GALNT11: variants seen among roughly 807,000 people sequenced by gnomAD.
The protein encoded by GALNT11 is UDP-GalNAc:polypeptide N-acetylgalactosaminyltransferase 11.
A neutral mutation model predicts 72.7 loss-of-function variants in GALNT11; 47 were observed. That is an observed-to-expected ratio of 0.65 (90% CI 0.51 to 0.82). The LOEUF (loss-of-function observed/expected upper bound fraction) is 0.82, where lower values mean the gene tolerates loss of function less well. GALNT11 is among the 40% of genes least tolerant of loss of function. GALNT11 has a pLI of 0.00. For missense variants in GALNT11, 677 were observed against 778.4 expected, an observed-to-expected ratio of 0.87 and a Z score of 1.55; for synonymous variants, 270 against 286.6, an observed-to-expected ratio of 0.94 and a Z score of 0.58.
At chr7:152,121,503 G>C in intron 11 of GALNT11, 43 bp from the exon 12 acceptor site, 1 of 1,585,808 alleles carries the variant, frequency 6.3e-7, no homozygotes, top group Non-Finnish European at 8.6e-7. Context: ...TCCATGTTTT[G>C]CCAGTAATTG....
chr7:152,080,949 G>A (rs531124202), intron 1 of GALNT11, among the ~76,000 whole-genome samples: 3 of 152,148 alleles, frequency 2.0e-5, no homozygotes, highest in South Asian at 2.1e-4. Flanking sequence ...CAGCCTGGGC[G>A]ACAAGAGCGA....
At chr7:152,103,585 A>C in intron 4 of GALNT11, 1 of 263,398 alleles carries the variant, frequency 3.8e-6, no homozygotes, top group Non-Finnish European at 7.6e-6. Context: ...ACCTTTATCC[A>C]GTTGCTCCAT....
chr7:152,091,715 C>T (rs2086051114), intron 1 of GALNT11, among the ~76,000 whole-genome samples: 1 of 152,082 alleles, frequency 6.6e-6, no homozygotes, highest in Admixed American at 6.6e-5. Context: ...AAGAGGTCAT[C>T]ACATCAGTCC....
In GALNT11 at chr7:152,078,285, G is replaced by A. The variant is rs138704264; in HGVS notation, c.-38-15905G>A. Among the ~76,000 whole-genome samples the A allele has an allele frequency of 3.4e-4, 52 of 152,072 alleles. 1 individual carries two copies. The highest frequency in any genetic ancestry group is 1.2e-3 in the African/African-American group (50 of 41,472). The stretch of plus-strand genomic sequence containing the variant: ...GGCTGGAGTGCAATGGTACAGTATC[G>A]GCTTACCCCAAATCCAAGTGATTCT... On this transcript the variant is annotated intron_variant, in intron 1 of 11. Coordinates refer to ENST00000430044, the MANE Select transcript of GALNT11 (RefSeq NM_022087.4).
rs1044585347 is a variant in GALNT11 at position 152,103,137 on chromosome 7, G to C, written c.445G>C (p.Asp149His). 3.1e-6 allele frequency: 5 copies of C among 1,609,538 alleles called. No homozygotes were observed. In the African/African-American group the frequency reaches 5.3e-5, roughly 17 times the overall value. ...AACKEKFYPP[D>H]LPAASVVICF... ...ATGTAAAGAAAAGTTCTACCCACCT[G>C]ACCTGCCAGCTGCTAGTGTTGTTAT... Residue 149 changes from aspartate (D) to histidine (H), a missense_variant, in exon 4 of 12, where the codon GAC becomes CAC. Transcript: ENST00000430044.
Position 152,071,562 on chromosome 7 carries a change from A to G in GALNT11, c.-38-22628A>G, listed in dbSNP as rs887353738. Among the ~76,000 whole-genome samples the G allele has an allele frequency of 2.0e-5, 3 of 152,276 alleles. No individual in the cohort carries two copies. The East Asian group carries it at 5.8e-4, about 29-fold the overall frequency. On this transcript the variant is annotated intron_variant, in intron 1 of 11. Coordinates refer to ENST00000430044, the MANE Select transcript of GALNT11 (RefSeq NM_022087.4). ...AATTTGTGCAGTTAATGCAATTATC[A>G]TAGGTCCTGGGGCAACATACATCTT... is the stretch of plus-strand genomic sequence containing the variant.
At chr7:152,098,231 C>T (rs1047224548) in intron 2 of GALNT11, among the ~76,000 whole-genome samples, 1 of 151,936 alleles carries the variant, frequency 6.6e-6, no homozygotes, top group African/African-American at 2.4e-5. Context: ...GCTGGTAGAT[C>T]GCTTGGGCTC....
At chr7:152,102,044 T>C (rs2086970737) in intron 3 of GALNT11, among the ~76,000 whole-genome samples, 1 of 152,186 alleles carries the variant, frequency 6.6e-6, no homozygotes, top group South Asian at 2.1e-4. Context: ...TATCATAATT[T>C]ATTCAAATCT....
chr7:152,065,794 C>A (rs1245334352), intron 1 of GALNT11, among the ~76,000 whole-genome samples: 2 of 152,162 alleles, frequency 1.3e-5, no homozygotes, highest in South Asian at 2.1e-4. Context: ...CTGATTTTTC[C>A]TCTGAAAGCG....
chr7:152,100,695 T>G, intron 2 of GALNT11, 103 bp from the exon 3 acceptor site: 5 of 1,391,454 alleles, frequency 3.6e-6, no homozygotes, highest in Non-Finnish European at 4.9e-6. Context: ...AGATATTAGA[T>G]TATAATAGGA....
At position 152,118,759 on chromosome 7, in the gene GALNT11, T is replaced by C; in HGVS notation, c.1534T>C (p.Cys512Arg). 1 of 1,608,912 alleles carries C rather than the reference T, an allele frequency of 6.2e-7. No homozygotes were observed. The highest frequency in any genetic ancestry group is 2.2e-5 in the East Asian group (1 of 44,746). Residue 512 changes from cysteine (C) to arginine (R), a missense_variant, in exon 10 of 12, where the codon TGT becomes CGT. Physicochemically the swap from Cys to Arg is radical, Grantham distance 180. Coordinates refer to ENST00000430044, the MANE Select transcript of GALNT11 (RefSeq NM_022087.4). Reference protein sequence around the residue: ...QKGGLVVLKACDYSDPNQIWI... With the variant: ...QKGGLVVLKARDYSDPNQIWI... ...GGGAGGTCTCGTGGTGCTTAAGGCC[T>C]GTGACTACAGTGACCCAAATCAGGT...
intron 1 of GALNT11, among the ~76,000 whole-genome samples, chr7:152,061,477 A>C (rs2084013822): frequency 6.6e-6 from 1 of 152,132 alleles, no homozygotes; most frequent in Admixed American, 6.5e-5. Flanking sequence ...TCTTTAGTTT[A>C]ATTAGATCCC....
In GALNT11 at chr7:152,034,940, G is replaced by C. The variant is rs182471356; in HGVS notation, c.-39+9056G>C. ...CTTACTGATGCATTCTCGAAAACCT[G>C]TTAGGGTCCTAAGCATTCTCCAGTT... On this transcript the variant is annotated intron_variant, in intron 1 of 11. Coordinates refer to ENST00000430044, the MANE Select transcript of GALNT11 (RefSeq NM_022087.4). Among the ~76,000 whole-genome samples, 379 of 152,224 alleles carry C rather than the reference G, an allele frequency of 2.5e-3. 3 individuals carry two copies. Among genetic ancestry groups the C allele is most frequent in the Admixed American group, 0.015 (228 of 15,298 alleles).
At chr7:152,045,755 ATTG>A (rs1357773744) in intron 1 of GALNT11, among the ~76,000 whole-genome samples, 2 of 150,600 alleles carry the variant, frequency 1.3e-5, no homozygotes, top group African/African-American at 4.9e-5. Flanking sequence ...GATCTTTTGT[ATTG>A]TTTTCTTCAT....
intron 8 of GALNT11, among the ~76,000 whole-genome samples, chr7:152,115,387 C>T (rs768238424): frequency 6.6e-6 from 1 of 152,116 alleles, no homozygotes; most frequent in Admixed American, 6.5e-5. Flanking sequence ...GCTGCATTTC[C>T]GAATATCATT....
intron 1 of GALNT11, among the ~76,000 whole-genome samples, chr7:152,065,159 C>G (rs1407902173): frequency 6.6e-6 from 1 of 152,118 alleles, no homozygotes; most frequent in East Asian, 1.9e-4. Flanking sequence ...TTTCTTTTTA[C>G]TCTTTTTTCT....
chr7:152,077,388 A>C (rs2085051646), intron 1 of GALNT11, among the ~76,000 whole-genome samples: 1 of 152,212 alleles, frequency 6.6e-6, no homozygotes, highest in African/African-American at 2.4e-5. Flanking sequence ...CTGGAAGAGC[A>C]GGTGAGAGGC....
intron 1 of GALNT11, among the ~76,000 whole-genome samples, chr7:152,091,903 G>A (rs867477017): frequency 2.0e-5 from 3 of 152,316 alleles, no homozygotes; most frequent in African/African-American, 7.2e-5. Context: ...TTTCATAGCT[G>A]CTAATGGAGT....
intron 1 of GALNT11, among the ~76,000 whole-genome samples, chr7:152,080,800 A>T (rs75474616): frequency 7.2e-6 from 1 of 139,810 alleles, no homozygotes; most frequent in East Asian, 2.1e-4. Flanking sequence ...CATCTCTAAT[A>T]AAAAAAAAAA....
Sources: gnomAD v4.1 joint callset for allele counts (sites outside exome capture counted in the v4.1 genomes callset) on GRCh38, gnomAD v4.1.1 for gene constraint, MANE v1.5 for transcripts, NCBI Gene and HGNC (gene_info 2026-07-23, HGNC 2026-07-21) for gene names.